Variants in NFIA observed in about 807,000 individuals in gnomAD.
NFIA encodes the protein nuclear factor I A, also known as nuclear factor 1 A-type.
In NFIA, 8 loss-of-function variants were observed where a neutral mutation model predicts 62.8. The ratio of observed to expected loss-of-function variants is 0.13; its 90% confidence interval spans 0.07 to 0.23. The LOEUF is 0.23. Among genes scored for constraint, NFIA ranks in the 10% least tolerant of loss-of-function variants. The probability of loss-of-function intolerance (pLI) is 1.00; values close to 1 mark genes in which losing one functional copy is unlikely to be tolerated. For missense variants in NFIA, 410 were observed against 642.1 expected, an observed-to-expected ratio of 0.64 and a Z score of 3.91; for synonymous variants, 235 against 238.1, an observed-to-expected ratio of 0.99 and a Z score of 0.12.
chr1:61,376,264 G>C (rs1024368697), intron 6 of NFIA, among the ~76,000 whole-genome samples: 1 of 152,124 alleles, frequency 6.6e-6, no homozygotes, highest in Admixed American at 6.6e-5. Context: ...GTAATATATA[G>C]TCTAGGCTTG....
chr1:61,082,873 C>T, intron 1 of NFIA, 55 bp downstream of exon 1: 1 of 929,832 alleles, frequency 1.1e-6, no homozygotes, highest in Non-Finnish European at 1.6e-6. Context: ...GGGGGCAGGG[C>T]TGGGGCTGGG....
chr1:61,306,846 T>C (rs1423798051), intron 3 of NFIA, among the ~76,000 whole-genome samples: 1 of 152,166 alleles, frequency 6.6e-6, no homozygotes, highest in East Asian at 1.9e-4. Context: ...TGTCTTGACA[T>C]ATCAGGGTAC....
chr1:61,403,515 G>A (rs1012287249), intron 7 of NFIA, among the ~76,000 whole-genome samples: 2 of 152,150 alleles, frequency 1.3e-5, no homozygotes, highest in Admixed American at 1.3e-4. Flanking sequence ...TTCTGAGTTT[G>A]TCTTTGAAAT....
intron 7 of NFIA, among the ~76,000 whole-genome samples, chr1:61,401,536 G>C (rs2100516776): frequency 6.6e-6 from 1 of 152,228 alleles, no homozygotes; most frequent in South Asian, 2.1e-4. Context: ...AGCTCTGCTT[G>C]ATCTTTGCTC....
chr1:61,370,035 T>A (rs1663802508), intron 6 of NFIA, among the ~76,000 whole-genome samples: 1 of 152,182 alleles, frequency 6.6e-6, no homozygotes, highest in Non-Finnish European at 1.5e-5. Flanking sequence ...AATAAGTGGC[T>A]TTTACATGGG....
intron 3 of NFIA, among the ~76,000 whole-genome samples, chr1:61,319,835 A>ACACACACACACACACC (rs1254829829): frequency 4.3e-5 from 6 of 140,962 alleles, no homozygotes; most frequent in African/African-American, 1.6e-4. Context: ...ACACACACAC[A>ACACACACACACACACC]CCAACTTTCA....
intron 2 of NFIA, among the ~76,000 whole-genome samples, chr1:61,157,369 C>A (rs17121740): frequency 6.6e-6 from 1 of 151,882 alleles, no homozygotes; most frequent in African/African-American, 2.4e-5. Flanking sequence ...GTGATGTTTA[C>A]AACAGTTCAA....
chr1:61,437,595 G>A (rs930533804), intron 10 of NFIA, among the ~76,000 whole-genome samples: 18 of 152,142 alleles, frequency 1.2e-4, no homozygotes, highest in African/African-American at 3.1e-4. Context: ...AATCCCTGCC[G>A]TACATAGCTC....
At chr1:61,183,450 C>T (rs1048386541) in intron 2 of NFIA, among the ~76,000 whole-genome samples, 6 of 152,296 alleles carry the variant, frequency 3.9e-5, no homozygotes, top group Non-Finnish European at 8.8e-5. Flanking sequence ...GATGTCTTTT[C>T]GTCTTGCGTT....
At chr1:61,121,572 A>T (rs181327411) in intron 2 of NFIA, among the ~76,000 whole-genome samples, 7 of 152,330 alleles carry the variant, frequency 4.6e-5, no homozygotes, top group Admixed American at 4.6e-4. Context: ...AATGGTAAAT[A>T]TACATTCAGC....
intron 2 of NFIA, among the ~76,000 whole-genome samples, chr1:61,183,546 G>A (rs1557620211): frequency 6.6e-6 from 1 of 152,224 alleles, no homozygotes; most frequent in African/African-American, 2.4e-5. Flanking sequence ...GTGGCCAGGT[G>A]CTTTATGGTA....
chr1:61,088,007 T>C lies in NFIA; in HGVS notation c.28-142T>C. 1.3e-6 allele frequency: 1 copy of C among 747,494 alleles called. No individual in the cohort carries two copies. Among genetic ancestry groups the C allele is most frequent in the Admixed American group, 3.0e-5 (1 of 33,804 alleles). 46.3% of individuals were successfully genotyped at this position (747,494 alleles called of 1,614,324 possible). ...CCTTCCCAGACTTCCCATAGGATCC[T>C]GTGTATGATTTTGGTAACAGAATGC... On this transcript the variant is annotated intron_variant, in intron 1 of 10. Coordinates refer to ENST00000403491, the MANE Select transcript of NFIA (RefSeq NM_001134673.4). This position sits in a 1 kb window ranked among gnomAD's most constrained non-coding sequence, Gnocchi z 4.5.
At chr1:61,262,478 A>C (rs968620654) in intron 2 of NFIA, among the ~76,000 whole-genome samples, 2 of 152,228 alleles carry the variant, frequency 1.3e-5, no homozygotes, top group African/African-American at 4.8e-5. Flanking sequence ...ACGAGGCAGC[A>C]TTAAAACAAA....
intron 9 of NFIA, among the ~76,000 whole-genome samples, chr1:61,414,780 T>C (rs1470595404): frequency 6.6e-6 from 1 of 151,822 alleles, no homozygotes; most frequent in African/African-American, 2.4e-5. Flanking sequence ...CGCGGAACTG[T>C]TTTTTTTCAT....
At chr1:61,108,868 A>G (rs1279328862) in intron 2 of NFIA, among the ~76,000 whole-genome samples, 1 of 151,846 alleles carries the variant, frequency 6.6e-6, no homozygotes. Context: ...CAAGTGGTAT[A>G]GTATCTGTTA....
intron 5 of NFIA, among the ~76,000 whole-genome samples, chr1:61,353,342 C>T (rs568560292): frequency 6.6e-6 from 1 of 152,238 alleles, no homozygotes; most frequent in African/African-American, 2.4e-5. Context: ...GGGGTTCTTG[C>T]TCCCTTTAAC....
intron 2 of NFIA, among the ~76,000 whole-genome samples, chr1:61,128,510 G>A (rs181476378): frequency 1.4e-3 from 207 of 152,098 alleles, no homozygotes; most frequent in Non-Finnish European, 2.0e-3. Flanking sequence ...AGGCTGAGGT[G>A]GGAAGATGGT....
At chr1:61,091,186 C>G (rs1646313592) in intron 2 of NFIA, among the ~76,000 whole-genome samples, 1 of 152,126 alleles carries the variant, frequency 6.6e-6, no homozygotes, top group Non-Finnish European at 1.5e-5. Context: ...TTCCAGAATG[C>G]CTTTTTTTCC....
intron 2 of NFIA, among the ~76,000 whole-genome samples, chr1:61,112,818 T>C (rs1456864512): frequency 6.6e-6 from 1 of 152,194 alleles, no homozygotes; most frequent in African/African-American, 2.4e-5. Flanking sequence ...CTAACATTCA[T>C]TTCATATGCA....
Sources: allele counts gnomAD v4.1 joint callset (sites outside exome capture counted in the v4.1 genomes callset), GRCh38; gene constraint gnomAD v4.1.1; non-coding constraint Gnocchi (gnomAD v3.1); transcripts MANE v1.5; gene names NCBI Gene and HGNC (gene_info 2026-07-23, HGNC 2026-07-21).